The following PACRG variants were observed in gnomAD, a reference collection of about 807,000 sequenced individuals.
The protein encoded by PACRG is parkin coregulated, also known as parkin coregulated gene protein.
In PACRG, 29 loss-of-function variants were observed where a neutral mutation model predicts 29.7. The ratio of observed to expected loss-of-function variants is 0.98; its 90% CI spans 0.73 to 1.33. The LOEUF (loss-of-function observed/expected upper bound fraction) is 1.33. Ranked by LOEUF, PACRG falls within the 40% of genes most tolerant of loss-of-function variation. The pLI is 0.00. For synonymous variants in PACRG, 116 were observed against 118.7 expected (o/e 0.98, Z 0.15); for missense variants, 279 against 316.2 (o/e 0.88, Z 0.89).
chr6:162,847,145 A>C (rs569810813), intron 2 of PACRG, among the ~76,000 whole-genome samples: 1 of 151,838 alleles, frequency 6.6e-6, no homozygotes, highest in African/African-American at 2.4e-5. Context: ...CCCCACACTG[A>C]CTCCAGAGCT....
chr6:162,815,023 G>T (rs1787213635), intron 2 of PACRG, among the ~76,000 whole-genome samples: 1 of 152,136 alleles, frequency 6.6e-6, no homozygotes, highest in Non-Finnish European at 1.5e-5. Context: ...AAAAATAAAT[G>T]CTGGTCTCTA....
intron 2 of PACRG, among the ~76,000 whole-genome samples, chr6:163,012,557 C>T (rs1402294410): frequency 1.3e-5 from 2 of 152,206 alleles, no homozygotes. Context: ...GACGCATAGC[C>T]CTGGCAGGTG....
At chr6:162,892,345 G>A (rs1159561033) in intron 2 of PACRG, among the ~76,000 whole-genome samples, 2 of 152,154 alleles carry the variant, frequency 1.3e-5, no homozygotes, top group African/African-American at 2.4e-5. Context: ...CTGGTCACAC[G>A]CTTGACTAAG....
chr6:162,845,072 A>G (rs1319985057), intron 2 of PACRG, among the ~76,000 whole-genome samples: 1 of 152,160 alleles, frequency 6.6e-6, no homozygotes, highest in Non-Finnish European at 1.5e-5. Flanking sequence ...AAGGTAAACT[A>G]TGTGAAAAGT....
intron 1 of PACRG, among the ~76,000 whole-genome samples, chr6:162,756,676 T>G (rs1235406702): frequency 2.0e-5 from 3 of 152,164 alleles, no homozygotes; most frequent in Admixed American, 2.0e-4. Flanking sequence ...GGCTTGCTAT[T>G]GCCATTTTGT....
At chr6:162,778,088 C>T (rs1051016149) in intron 1 of PACRG, among the ~76,000 whole-genome samples, 2 of 152,132 alleles carry the variant, frequency 1.3e-5, no homozygotes, top group African/African-American at 4.8e-5. Context: ...ATAGTGTCAT[C>T]GTTTGCCATA....
chr6:162,973,523 A>G (rs1405966321), intron 2 of PACRG, among the ~76,000 whole-genome samples: 1 of 152,146 alleles, frequency 6.6e-6, no homozygotes, highest in African/African-American at 2.4e-5. Flanking sequence ...CTCTGTAGCA[A>G]GCAAGGCAAT....
At chr6:163,123,134 T>C (rs955446819) in intron 4 of PACRG, among the ~76,000 whole-genome samples, 4 of 152,218 alleles carry the variant, frequency 2.6e-5, no homozygotes, top group African/African-American at 9.6e-5. Context: ...TGTTTATACC[T>C]GGAGGCTGGA....
chr6:163,019,871 G>A (rs750012465), intron 2 of PACRG, among the ~76,000 whole-genome samples: 3 of 152,028 alleles, frequency 2.0e-5, no homozygotes, highest in South Asian at 4.1e-4. Context: ...TCCCCCTTTC[G>A]CCTATAGAAA....
chr6:162,757,974 G>T (rs1782059305), intron 1 of PACRG, among the ~76,000 whole-genome samples: 1 of 152,046 alleles, frequency 6.6e-6, no homozygotes, highest in African/African-American at 2.4e-5. Context: ...CTCCTATGAG[G>T]TTGTCAATAG....
At chr6:163,291,814 C>T (rs1784620048) in intron 4 of PACRG, among the ~76,000 whole-genome samples, 1 of 152,150 alleles carries the variant, frequency 6.6e-6, no homozygotes, top group Non-Finnish European at 1.5e-5. Flanking sequence ...AGAAATGACT[C>T]AAGGCCAGAT....
At chr6:162,825,538 T>G (rs560536630) in intron 2 of PACRG, among the ~76,000 whole-genome samples, 193 of 152,366 alleles carry the variant, frequency 1.3e-3, no homozygotes, top group Non-Finnish European at 2.1e-3. Context: ...TTTCAGTGAA[T>G]ATCAATTCTG....
rs1021578949 is a variant in PACRG at position 162,881,962 on chromosome 6, G to GGC, written c.291+67682_291+67683insCG. ...CTCTCCACCAAGACCAGAGATGGGT[G>GGC]GGGGGGGGCACTCTTCCACTAAGGA... On this transcript the variant is annotated intron_variant, in intron 2 of 4. Coordinates refer to ENST00000366888, the MANE Select transcript of PACRG (RefSeq NM_001080379.2). 1.2e-3 allele frequency among the ~76,000 whole-genome samples: 41 copies of GGC among 34,894 alleles called. 2 individuals carry two copies. The highest frequency in any genetic ancestry group is 5.7e-3 in the African/African-American group (40 of 6,972). The allele number at this position is 34,894 out of a possible 152,430, so 22.9% of individuals were successfully genotyped here.
intron 2 of PACRG, among the ~76,000 whole-genome samples, chr6:163,018,106 A>G (rs909481883): frequency 6.6e-6 from 1 of 152,146 alleles, no homozygotes; most frequent in African/African-American, 2.4e-5. Flanking sequence ...TAGGAATGCT[A>G]AATGTTCCCC....
chr6:163,026,004 GA>G (rs1807094522), intron 2 of PACRG, among the ~76,000 whole-genome samples: 1 of 152,084 alleles, frequency 6.6e-6, no homozygotes, highest in South Asian at 2.1e-4. Flanking sequence ...AATTTATAGG[GA>G]ACCAAAAAAA....
chr6:163,131,771 G>A (rs771438302), intron 4 of PACRG, among the ~76,000 whole-genome samples: 2 of 152,118 alleles, frequency 1.3e-5, no homozygotes, highest in Non-Finnish European at 2.9e-5. Flanking sequence ...GCTATTAGAT[G>A]TGTAAAATTC....
chr6:163,285,262 G>A (rs1249341706), intron 4 of PACRG, among the ~76,000 whole-genome samples: 1 of 151,538 alleles, frequency 6.6e-6, no homozygotes. Context: ...GGGCCTTTGC[G>A]CAAACCCTTC....
intron 1 of PACRG, among the ~76,000 whole-genome samples, chr6:162,755,755 A>G (rs1447603608): frequency 6.6e-6 from 1 of 152,150 alleles, no homozygotes; most frequent in Non-Finnish European, 1.5e-5. Context: ...TTTTTTTGAT[A>G]TGAACACTTA....
chr6:163,231,495 G>A (rs1782042204), intron 4 of PACRG, among the ~76,000 whole-genome samples: 1 of 152,182 alleles, frequency 6.6e-6, no homozygotes, highest in South Asian at 2.1e-4. Flanking sequence ...GACATGCCGG[G>A]TTGTCACACC....
Sources: gnomAD v4.1 joint callset for allele counts (sites outside exome capture counted in the v4.1 genomes callset) on GRCh38, gnomAD v4.1.1 for gene constraint, MANE v1.5 for transcripts, NCBI Gene and HGNC (gene_info 2026-07-23, HGNC 2026-07-21) for gene names.